The following SEMA6D variants were observed in gnomAD, a reference collection of about 807,000 sequenced individuals.
The protein encoded by SEMA6D is semaphorin 6D.
SEMA6D carries 35 observed loss-of-function variants against 106.6 expected under a neutral mutation model. The ratio of observed to expected loss-of-function variants is 0.33; its 90% CI spans 0.25 to 0.44. SEMA6D has a LOEUF of 0.44. Among genes scored for constraint, SEMA6D ranks in the 20% least tolerant of loss-of-function variants. The pLI is 1.00. For synonymous variants in SEMA6D, 499 were observed against 487.7 expected (o/e 1.02, Z -0.31); for missense variants, 1,185 against 1,345.9 (o/e 0.88, Z 1.87).
At chr15:47,390,612 C>T (rs891670263) in intron 1 of SEMA6D, among the ~76,000 whole-genome samples, 3 of 152,080 alleles carry the variant, frequency 2.0e-5, no homozygotes, top group Admixed American at 2.0e-4. Context: ...AGGACAAGCT[C>T]TTTCATACCT....
At chr15:47,238,299 C>T (rs2032683384) in intron 1 of SEMA6D, among the ~76,000 whole-genome samples, 2 of 152,010 alleles carry the variant, frequency 1.3e-5, no homozygotes, top group Non-Finnish European at 2.9e-5. Flanking sequence ...CCTAATTATC[C>T]AGGGCACACT....
intron 1 of SEMA6D, among the ~76,000 whole-genome samples, chr15:47,194,103 A>G (rs532625090): frequency 9.3e-5 from 14 of 150,864 alleles, no homozygotes; most frequent in Admixed American, 2.7e-4. Context: ...GGGTGGATGG[A>G]TGGATGGGTG....
chr15:47,652,030 C>A (rs908294020), intron 4 of SEMA6D, among the ~76,000 whole-genome samples: 2 of 152,200 alleles, frequency 1.3e-5, no homozygotes, highest in Admixed American at 6.5e-5. Flanking sequence ...TCTCATCCTA[C>A]TCTTAGTATT....
At chr15:47,740,996 T>C (rs1281509816) in intron 1 of SEMA6D, among the ~76,000 whole-genome samples, 1 of 152,236 alleles carries the variant, frequency 6.6e-6, no homozygotes. Flanking sequence ...TATTTATTTT[T>C]CTGACACAGT....
intron 4 of SEMA6D, among the ~76,000 whole-genome samples, chr15:47,707,863 C>T (rs1248390326): frequency 2.0e-5 from 3 of 152,188 alleles, no homozygotes; most frequent in Non-Finnish European, 4.4e-5. Context: ...CAATTATCCC[C>T]CCATTAACCT....
chr15:47,721,630 C>G (rs2146332069), intron 1 of SEMA6D, among the ~76,000 whole-genome samples: 1 of 152,318 alleles, frequency 6.6e-6, no homozygotes, highest in African/African-American at 2.4e-5. Context: ...GGCAGTGCCA[C>G]TGATAATTGA....
chr15:47,427,758 A>G (rs1416970115), intron 2 of SEMA6D, among the ~76,000 whole-genome samples: 6 of 152,024 alleles, frequency 3.9e-5, no homozygotes, highest in Non-Finnish European at 8.8e-5. Context: ...TCCATGAAGC[A>G]CTCTCATTTG....
intron 1 of SEMA6D, among the ~76,000 whole-genome samples, chr15:47,725,974 A>G (rs1342235210): frequency 1.3e-5 from 2 of 152,244 alleles, no homozygotes; most frequent in African/African-American, 4.8e-5. Context: ...GTCAATAGGG[A>G]AAAAGGATTA....
At chr15:47,332,035 T>G (rs973769248) in intron 1 of SEMA6D, among the ~76,000 whole-genome samples, 2 of 152,192 alleles carry the variant, frequency 1.3e-5, no homozygotes, top group African/African-American at 4.8e-5. Context: ...TTTGTCTCTT[T>G]ATTATTATTC....
intron 2 of SEMA6D, among the ~76,000 whole-genome samples, chr15:47,438,934 G>A (rs867556155): frequency 5.3e-5 from 8 of 151,954 alleles, no homozygotes; most frequent in South Asian, 2.1e-4. Context: ...TTTATACGGC[G>A]CAATCTCCCA....
intron 1 of SEMA6D, among the ~76,000 whole-genome samples, chr15:47,357,980 A>G (rs188943216): frequency 8.5e-5 from 13 of 152,360 alleles, no homozygotes; most frequent in African/African-American, 1.2e-4. Context: ...GTTTATTAAT[A>G]TATTTCAGAT....
At chr15:47,766,261 C>A in intron 15 of SEMA6D, 79 bp downstream of exon 15, 2 of 1,222,492 alleles carry the variant, frequency 1.6e-6, no homozygotes, top group Non-Finnish European at 2.3e-6. Flanking sequence ...AGAAAACTTC[C>A]AATTATACTA....
chr15:47,704,881 A>G (rs1313949820), intron 4 of SEMA6D, among the ~76,000 whole-genome samples: 1 of 152,216 alleles, frequency 6.6e-6, no homozygotes, highest in Non-Finnish European at 1.5e-5. Context: ...AGAGGTTTAC[A>G]TTTTGAACAT....
At chr15:47,697,277 G>T (rs2078720176) in intron 4 of SEMA6D, among the ~76,000 whole-genome samples, 1 of 152,142 alleles carries the variant, frequency 6.6e-6, no homozygotes, top group Non-Finnish European at 1.5e-5. Flanking sequence ...ACTGCAGGAA[G>T]GACATGTCTG....
At chr15:47,227,029 C>A (rs1308051294) in intron 1 of SEMA6D, among the ~76,000 whole-genome samples, 1 of 151,974 alleles carries the variant, frequency 6.6e-6, no homozygotes, top group Non-Finnish European at 1.5e-5. Flanking sequence ...CTCCTGCCAG[C>A]CAAAGGTGTA....
Position 47,313,952 on chromosome 15 carries a change from T to C in SEMA6D, c.-238-98441T>C, listed in dbSNP as rs187200924. ...TAAGTTTTCAGCTCTTTTGGGTAAATAGCAAGAAATGTGATTGCTGGTTTG... is the reference window on the plus strand; with the variant it reads ...TAAGTTTTCAGCTCTTTTGGGTAAACAGCAAGAAATGTGATTGCTGGTTTG... On this transcript the variant is annotated intron_variant, in intron 1 of 19. Coordinates refer to the SEMA6D transcript ENST00000558014. Among the ~76,000 whole-genome samples, 17 of 152,336 alleles carry C rather than the reference T, an allele frequency of 1.1e-4. No individual in the cohort carries two copies. In the East Asian group the frequency reaches 1.2e-3, roughly 10 times the overall value.
Position 47,680,532 on chromosome 15 carries a change from C to G in SEMA6D, c.-54-79213C>G, listed in dbSNP as rs150895701. On this transcript the variant is annotated intron_variant, in intron 4 of 19. Coordinates refer to the SEMA6D transcript ENST00000558014. ...ATTGAAAAGACTTTTTACCCTTACC[C>G]CTCAAAAAATGAGGTTGATGACACA... Among the ~76,000 whole-genome samples, 4 of 152,244 alleles carry G rather than the reference C, an allele frequency of 2.6e-5. No homozygotes were observed. The East Asian group carries it at 7.7e-4, about 29-fold the overall frequency.
intron 1 of SEMA6D, among the ~76,000 whole-genome samples, chr15:47,299,473 G>A (rs1277119212): frequency 6.6e-6 from 1 of 152,156 alleles, no homozygotes; most frequent in African/African-American, 2.4e-5. Flanking sequence ...TTTACCTTTG[G>A]CAGGGAAAGT....
intron 8 of SEMA6D, among the ~76,000 whole-genome samples, 198 bp from the exon 9 acceptor site, chr15:47,762,818 T>C (rs1397818210): frequency 2.0e-5 from 3 of 152,172 alleles, no homozygotes; most frequent in Non-Finnish European, 4.4e-5. Context: ...TTACAGTCCA[T>C]TAGCTGACTT....
Sources: allele counts gnomAD v4.1 joint callset (sites outside exome capture counted in the v4.1 genomes callset), GRCh38; gene constraint gnomAD v4.1.1; transcripts MANE v1.5; gene names NCBI Gene and HGNC (gene_info 2026-07-23, HGNC 2026-07-21).